Variants in NCAM2 observed in about 807,000 individuals in gnomAD.
NCAM2 encodes neural cell adhesion molecule 2.
In NCAM2, 30 loss-of-function variants were observed where a neutral mutation model predicts 98.1. That is an observed-to-expected ratio of 0.31 (90% CI 0.23 to 0.41). The LOEUF is 0.41. NCAM2 is among the 10% of genes least tolerant of loss of function. NCAM2 has a pLI of 1.00. For missense variants in NCAM2, 867 were observed against 1,005.8 expected, an observed-to-expected ratio of 0.86 and a Z score of 1.87; for synonymous variants, 368 against 342.4, an observed-to-expected ratio of 1.07 and a Z score of -0.83.
rs138959662 is a variant in NCAM2 at position 21,230,347 on chromosome 21, G to A, written c.56-50231G>A. Among the ~76,000 whole-genome samples, 327 of 151,024 alleles carry A rather than the reference G, an allele frequency of 2.2e-3. 5 individuals are homozygous for A. The South Asian group carries it at 0.025, about 12-fold the overall frequency. ...ATTATGATGATAAAAGGTGATTTCG[G>A]ATTTGTTTGATTTTAATGTCCTGTA... On this transcript the variant is annotated intron_variant, in intron 1 of 17. Transcript: ENST00000400546.
intron 1 of NCAM2, among the ~76,000 whole-genome samples, chr21:21,150,391 A>C (rs1041538409): frequency 1.3e-5 from 2 of 152,124 alleles, no homozygotes; most frequent in African/African-American, 4.8e-5. Flanking sequence ...AATAGAGGTG[A>C]TGAGAACAGA....
intron 15 of NCAM2, among the ~76,000 whole-genome samples, chr21:21,493,174 T>C (rs1986967384): frequency 6.6e-6 from 1 of 151,942 alleles, no homozygotes; most frequent in Non-Finnish European, 1.5e-5. Flanking sequence ...GTGGTATGGT[T>C]CACTGCTGAA....
chr21:21,190,101 A>G (rs1232390535), intron 1 of NCAM2, among the ~76,000 whole-genome samples: 2 of 152,210 alleles, frequency 1.3e-5, no homozygotes, highest in African/African-American at 4.8e-5. Context: ...TGCAGAAGAG[A>G]TGCATTCACT....
At chr21:21,171,289 A>G (rs2068115656) in intron 1 of NCAM2, among the ~76,000 whole-genome samples, 1 of 152,236 alleles carries the variant, frequency 6.6e-6, no homozygotes, top group Non-Finnish European at 1.5e-5. Flanking sequence ...AGCATATACA[A>G]TTTAGAAAAA....
At chr21:21,219,265 C>T (rs367697607) in intron 1 of NCAM2, among the ~76,000 whole-genome samples, 1 of 152,218 alleles carries the variant, frequency 6.6e-6, no homozygotes, top group East Asian at 1.9e-4. Flanking sequence ...GAAGATTAGA[C>T]ACCCCTGGAC....
intron 1 of NCAM2, among the ~76,000 whole-genome samples, chr21:21,034,750 AT>A (rs1284857525): frequency 1.3e-5 from 2 of 151,902 alleles, no homozygotes; most frequent in Admixed American, 1.3e-4. Flanking sequence ...TCTGAAATGT[AT>A]TTTTTTTCTC....
Position 21,153,729 on chromosome 21 carries a change from A to C in NCAM2, c.56-126849A>C, listed in dbSNP as rs529000485. On this transcript the variant is annotated intron_variant, in intron 1 of 17. Coordinates refer to ENST00000400546, the MANE Select transcript of NCAM2 (RefSeq NM_004540.5). ...GAATGTTTGAATATAACTTGGGTCA[A>C]AATGTGAAGAGTATTGAATGATGGA... Among the ~76,000 whole-genome samples, 7 of 152,036 alleles carry C rather than the reference A, an allele frequency of 4.6e-5. No individual in the cohort carries two copies. In the South Asian group the frequency reaches 1.5e-3, roughly 32 times the overall value.
At chr21:21,394,112 T>A (rs1323553271) in intron 9 of NCAM2, among the ~76,000 whole-genome samples, 1 of 152,204 alleles carries the variant, frequency 6.6e-6, no homozygotes, top group East Asian at 1.9e-4. Flanking sequence ...TATGCATAAC[T>A]TGGCTGTTTA....
At chr21:21,480,326 C>A (rs537011860) in intron 15 of NCAM2, among the ~76,000 whole-genome samples, 1 of 143,200 alleles carries the variant, frequency 7.0e-6, no homozygotes, top group African/African-American at 2.7e-5. Flanking sequence ...GAGATGGCGC[C>A]ACTGCACTCC....
chr21:21,315,559 C>T (rs1362474486), intron 5 of NCAM2, among the ~76,000 whole-genome samples: 2 of 152,164 alleles, frequency 1.3e-5, no homozygotes. Flanking sequence ...AGAATGTCAT[C>T]TCTCAGAGAA....
intron 1 of NCAM2, among the ~76,000 whole-genome samples, chr21:21,136,044 C>G (rs1349788593): frequency 1.9e-5 from 1 of 51,682 alleles, no homozygotes; most frequent in African/African-American, 1.2e-4. Context: ...TAGTGACTTA[C>G]AAGAATTGTT....
At chr21:21,160,881 T>C (rs918408408) in intron 1 of NCAM2, among the ~76,000 whole-genome samples, 2 of 152,040 alleles carry the variant, frequency 1.3e-5, no homozygotes, top group Non-Finnish European at 2.9e-5. Context: ...AATTGTTTGT[T>C]CTTGACTATA....
chr21:21,021,368 CT>C (rs931469773), intron 1 of NCAM2, among the ~76,000 whole-genome samples: 1 of 152,098 alleles, frequency 6.6e-6, no homozygotes, highest in African/African-American at 2.4e-5. Flanking sequence ...TTGATGATGA[CT>C]TTTTTGGTTC....
intron 1 of NCAM2, among the ~76,000 whole-genome samples, chr21:21,229,854 C>T (rs2070549748): frequency 6.6e-6 from 1 of 151,376 alleles, no homozygotes; most frequent in Middle Eastern, 3.2e-3. Context: ...GACGTATTTA[C>T]AAGCCAAGGT....
chr21:21,405,284 C>T (rs574702385), intron 9 of NCAM2, among the ~76,000 whole-genome samples: 7 of 152,018 alleles, frequency 4.6e-5, no homozygotes, highest in Admixed American at 3.3e-4. Flanking sequence ...ACACAATATG[C>T]CTACTGCCAA....
intron 1 of NCAM2, among the ~76,000 whole-genome samples, chr21:21,043,081 G>T (rs528797033): frequency 6.6e-6 from 1 of 152,248 alleles, no homozygotes; most frequent in South Asian, 2.1e-4. Context: ...ATTTACAAGT[G>T]CAAATTTTAT....
intron 1 of NCAM2, among the ~76,000 whole-genome samples, chr21:21,099,229 G>T (rs1428604212): frequency 6.6e-6 from 1 of 151,828 alleles, no homozygotes; most frequent in Admixed American, 6.6e-5. Context: ...GCCTTAAATG[G>T]TACTGAGGTT....
At chr21:21,471,936 C>A (rs1984493721) in intron 14 of NCAM2, among the ~76,000 whole-genome samples, 2 of 151,918 alleles carry the variant, frequency 1.3e-5, no homozygotes, top group South Asian at 4.1e-4. Context: ...AAATTAATGT[C>A]TCTAACAATA....
In NCAM2 at chr21:21,284,181, T is replaced by C; in HGVS notation, c.131-13T>C. 6.3e-7 allele frequency: 1 copy of C among 1,594,900 alleles called. No homozygotes were observed. The highest frequency in any genetic ancestry group is 8.6e-7 in the Non-Finnish European group (1 of 1,163,092). On this transcript the variant is annotated splice_polypyrimidine_tract_variant and intron_variant, in intron 2 of 17. Coordinates refer to ENST00000400546, the MANE Select transcript of NCAM2 (RefSeq NM_004540.5). ...ACAATTTTCAAACCTTTATTTTCCA[T>C]GGCTCTTTGCAGCGATTGGTGAACC...
Sources: allele counts gnomAD v4.1 joint callset (sites outside exome capture counted in the v4.1 genomes callset), GRCh38; gene constraint gnomAD v4.1.1; transcripts MANE v1.5; gene names NCBI Gene and HGNC (gene_info 2026-07-23, HGNC 2026-07-21).